DNAJA4: variants seen among roughly 807,000 people sequenced by gnomAD.
The protein encoded by DNAJA4 is DnaJ heat shock protein family (Hsp40) member A4, also known as dnaJ homolog subfamily A member 4.
Under a neutral mutation model 39.7 loss-of-function variants are expected in DNAJA4, and 32 were observed. The ratio of observed to expected loss-of-function variants is 0.81; its 90% CI spans 0.61 to 1.08. The LOEUF (loss-of-function observed/expected upper bound fraction) is 1.08, where lower values mean the gene tolerates loss of function less well. DNAJA4 is among the 50% of genes least tolerant of loss of function. DNAJA4 has a pLI of 0.00. For missense variants in DNAJA4, 439 were observed against 505.1 expected (o/e 0.87, Z 1.25); for synonymous variants, 184 against 182.4 (o/e 1.01, Z -0.07).
chr15:78,270,651 G>C lies in DNAJA4; in HGVS notation c.287G>C (p.Gly96Ala). The C allele has an allele frequency of 6.2e-7, 1 of 1,614,020 alleles. No individual in the cohort carries two copies. Among genetic ancestry groups the C allele is most frequent in the Non-Finnish European group, 8.5e-7 (1 of 1,179,990 alleles). ...ATCTTTGACATGTTCTTTGGTGGTGGTGGACGGATGGCTAGAGAGAGAAGA... is the reference window on the plus strand; with the variant it reads ...ATCTTTGACATGTTCTTTGGTGGTGCTGGACGGATGGCTAGAGAGAGAAGA... The part of the protein sequence containing the change: ...MDIFDMFFGG[G>A]GRMARERRGK... The change falls in exon 2 of 7, where the codon GGT (glycine) becomes GCT (alanine). Residue 96 changes from glycine (G) to alanine (A), a missense_variant. Physicochemically the swap from Gly to Ala is moderately conservative, Grantham distance 60. Transcript: ENST00000394852.
At chr15:78,268,348 C>A (rs1421249772) in intron 1 of DNAJA4, among the ~76,000 whole-genome samples, 1 of 152,124 alleles carries the variant, frequency 6.6e-6, no homozygotes, top group Non-Finnish European at 1.5e-5. Context: ...CTTACTTCTT[C>A]GCAGAAATGG....
rs1478786773 is a variant in DNAJA4 at position 78,282,007 on chromosome 15, C to T, written c.*1547C>T. On this transcript the variant is annotated 3_prime_UTR_variant, in exon 7 of 7. Coordinates refer to ENST00000394852, the MANE Select transcript of DNAJA4 (RefSeq NM_001130182.2). ...ATCTATTTATAAATGGACCACAACT[C>T]TGGGGTGTCGTTTTTGTGCTGTGAC... The T allele has an allele frequency of 6.6e-6, 1 of 152,212 alleles. No individual in the cohort carries two copies. The highest frequency in any genetic ancestry group is 1.9e-4 in the East Asian group (1 of 5,196). The allele number at this position is 152,212 out of a possible 1,614,324, so 9.4% of individuals were successfully genotyped here.
intron 4 of DNAJA4, 41 bp downstream of exon 4, chr15:78,274,465 T>A: frequency 6.3e-7 from 1 of 1,582,202 alleles, no homozygotes; most frequent in Non-Finnish European, 8.7e-7. Flanking sequence ...GGGCTGGAAA[T>A]GCTGTCTGGG....
Position 78,274,424 on chromosome 15 carries a change from G to C in DNAJA4, c.646G>C (p.Gly216Arg), listed in dbSNP as rs754210001. The part of the protein sequence containing the change: ...KKIIEVHVEK[G>R]MKDGQKILFH... ...GATTATCGAGGTACATGTTGAAAAA[G>C]GTGAGGCTGCGCAGAGCTGGTGCTC... The change falls in exon 4 of 7, where the codon GGT becomes CGT. Residue 216 changes from glycine (G) to arginine (R), a missense_variant and splice_region_variant. Transcript: ENST00000394852. 1.2e-6 allele frequency: 2 copies of C among 1,613,766 alleles called. No individual in the cohort carries two copies. The highest frequency in any genetic ancestry group is 1.7e-6 in the Non-Finnish European group (2 of 1,179,932).
chr15:78,265,910 T>A (rs149162667), intron 1 of DNAJA4: 1 of 592,650 alleles, frequency 1.7e-6, no homozygotes, highest in African/African-American at 1.9e-5. Context: ...AATACCTGTC[T>A]GTGTTAGTTG....
intron 4 of DNAJA4, chr15:78,275,283 G>A (rs554539639): frequency 1.4e-3 from 773 of 562,908 alleles, no homozygotes; most frequent in Non-Finnish European, 2.1e-3. Context: ...CCCACTCCCT[G>A]TGCATGCTGG....
At chr15:78,272,315 G>C (rs1051301309) in intron 2 of DNAJA4, among the ~76,000 whole-genome samples, 1 of 152,082 alleles carries the variant, frequency 6.6e-6, no homozygotes, top group African/African-American at 2.4e-5. Flanking sequence ...CCAGCCTGGG[G>C]ACAGAGCAAG....
In DNAJA4 at chr15:78,264,748, C is replaced by T. The variant is rs753021428; in HGVS notation, c.-16C>T. The T allele has an allele frequency of 8.7e-5, 137 of 1,567,214 alleles. No individual in the cohort carries two copies. The highest frequency in any genetic ancestry group is 8.2e-5 in the Non-Finnish European group (95 of 1,153,700). On this transcript the variant is annotated 5_prime_UTR_variant, in exon 1 of 7. Coordinates refer to ENST00000394852, the MANE Select transcript of DNAJA4 (RefSeq NM_001130182.2). ...GCGCTCTGACCGGCCTCGCCCGCCC[C>T]CCCCGCAGACACAAGATGGTGAAGG... is the stretch of plus-strand genomic sequence containing the variant.
rs1383369787 is a variant in DNAJA4 at position 78,265,440 on chromosome 15, A to G, written c.132+545A>G. ...GTGCACCTACTGCCTACCTGATAAA[A>G]GCGTCAGATAGTGAATAATCCCATT... is the stretch of plus-strand genomic sequence containing the variant. On this transcript the variant is annotated intron_variant, in intron 1 of 6. Coordinates refer to ENST00000394852, the MANE Select transcript of DNAJA4 (RefSeq NM_001130182.2). 35 of 701,110 alleles carry G rather than the reference A, an allele frequency of 5.0e-5. No individual in the cohort carries two copies. In the Admixed American group the frequency reaches 7.0e-4, roughly 14 times the overall value. The allele number at this position is 701,110 out of a possible 1,614,324, so 43.4% of individuals were successfully genotyped here.
intron 4 of DNAJA4, 36 bp downstream of exon 4, chr15:78,274,460 G>A (rs1595926450): frequency 6.3e-7 from 1 of 1,588,402 alleles, no homozygotes; most frequent in Non-Finnish European, 8.6e-7. Flanking sequence ...CACACGGGCT[G>A]GAAATGCTGT....
chr15:78,272,939 T>C (rs1256651586), intron 2 of DNAJA4, among the ~76,000 whole-genome samples, 156 bp from the exon 3 acceptor site: 1 of 152,152 alleles, frequency 6.6e-6, no homozygotes, highest in African/African-American at 2.4e-5. Flanking sequence ...TGGGCTGGGG[T>C]AATAGAAGCA....
chr15:78,267,469 T>TTTTTTTG (rs1555438115), intron 1 of DNAJA4, among the ~76,000 whole-genome samples: 3 of 151,822 alleles, frequency 2.0e-5, no homozygotes, highest in East Asian at 3.9e-4. Context: ...GCGGGTGTTT[T>TTTTTTTG]TTTTTTGTTT....
At chr15:78,274,498 C>T in intron 4 of DNAJA4, 74 bp downstream of exon 4, 2 of 1,336,714 alleles carry the variant, frequency 1.5e-6, no homozygotes, top group South Asian at 1.2e-5. Flanking sequence ...GATACACAGA[C>T]TAGATGTCAG....
intron 1 of DNAJA4, among the ~76,000 whole-genome samples, chr15:78,267,197 T>A (rs1177746007): frequency 6.7e-6 from 1 of 149,366 alleles, no homozygotes; most frequent in African/African-American, 2.6e-5. Context: ...TGTGTGAGTG[T>A]GTATGTGAGT....
chr15:78,270,704 A>G, intron 2 of DNAJA4, 27 bp downstream of exon 2: 1 of 1,604,868 alleles, frequency 6.2e-7, no homozygotes. Context: ...AAACATAAAT[A>G]AGTTGTATGG....
In DNAJA4 at chr15:78,264,596, C is replaced by T. The variant is rs913759029; in HGVS notation, c.-168C>T. 2.0e-4 allele frequency: 224 copies of T among 1,146,020 alleles called. No individual in the cohort carries two copies. The African/African-American group carries it at 3.1e-3, about 16-fold the overall frequency. The allele number at this position is 1,146,020 out of a possible 1,614,324, so 71.0% of individuals were successfully genotyped here. A position where few individuals can be genotyped will look rare whatever the true frequency, so the allele number is the denominator to read the frequency against. On this transcript the variant is annotated 5_prime_UTR_variant, in exon 1 of 7. Coordinates refer to ENST00000394852, the MANE Select transcript of DNAJA4 (RefSeq NM_001130182.2). The stretch of plus-strand genomic sequence containing the variant: ...GAGCCAGGCGTGGAAGTCGGTCCGG[C>T]GCGGGGCGGGGGGCGGGCGGGAGCT...
intron 1 of DNAJA4, chr15:78,265,605 A>C (rs2049100053): frequency 1.4e-6 from 1 of 702,228 alleles, no homozygotes; most frequent in African/African-American, 1.7e-5. Flanking sequence ...TTAGAGACAG[A>C]AGTTAAAAGC....
In DNAJA4 at chr15:78,281,948, T is replaced by TA. The variant is rs796414823; in HGVS notation, c.*1492dup. 2.8e-4 allele frequency: 43 copies of TA among 152,360 alleles called. No homozygotes were observed. The highest frequency in any genetic ancestry group is 1.0e-3 in the African/African-American group (43 of 41,576). 9.4% of individuals were successfully genotyped at this position (152,360 alleles called of 1,614,324 possible). A position where few individuals can be genotyped will look rare whatever the true frequency, so the allele number is the denominator to read the frequency against. ...CTTTGACCATTGGTGAGGATAGATA[T>TA]AAAATCACTTCTTCCAACGAAGCCT... On this transcript the variant is annotated 3_prime_UTR_variant, in exon 7 of 7. Coordinates refer to ENST00000394852, the MANE Select transcript of DNAJA4 (RefSeq NM_001130182.2).
chr15:78,267,194 G>T lies in DNAJA4; in HGVS notation c.132+2299G>T, dbSNP rs1353680318. On this transcript the variant is annotated intron_variant, in intron 1 of 6. Coordinates refer to ENST00000394852, the MANE Select transcript of DNAJA4 (RefSeq NM_001130182.2). The stretch of plus-strand genomic sequence containing the variant: ...TGTGAGTGTGTGAGTGTGTGTGTGA[G>T]TGTGTATGTGAGTGTGTATGTGTGT... 3.3e-5 allele frequency among the ~76,000 whole-genome samples: 5 copies of T among 151,282 alleles called. No individual in the cohort carries two copies. The East Asian group carries it at 9.6e-4, about 29-fold the overall frequency.
Sources: allele counts gnomAD v4.1 joint callset (sites outside exome capture counted in the v4.1 genomes callset), GRCh38; gene constraint gnomAD v4.1.1; transcripts MANE v1.5; gene names NCBI Gene and HGNC (gene_info 2026-07-23, HGNC 2026-07-21).